The following LRMDA variants were observed in gnomAD, a reference collection of about 807,000 sequenced individuals.
The protein encoded by LRMDA is leucine-rich melanocyte differentiation-associated protein.
LRMDA carries 18 observed loss-of-function variants against 29.8 expected under a neutral mutation model. The ratio of observed to expected loss-of-function variants is 0.60; its 90% CI spans 0.42 to 0.90. LRMDA has a LOEUF of 0.90. Among genes scored for constraint, LRMDA ranks in the 40% least tolerant of loss-of-function variants. LRMDA has a pLI of 0.00. For synonymous variants in LRMDA, 125 were observed against 109.4 expected (o/e 1.14, Z -0.89); for missense variants, 273 against 273.9 (o/e 1.00, Z 0.02).
intron 2 of LRMDA, among the ~76,000 whole-genome samples, chr10:75,852,446 G>A (rs1844747375): frequency 1.3e-5 from 2 of 151,974 alleles, no homozygotes; most frequent in African/African-American, 4.8e-5. Context: ...GGTAGGAAAT[G>A]TTGTAAATTA....
intron 2 of LRMDA, among the ~76,000 whole-genome samples, chr10:75,944,524 A>C (rs1382862231): frequency 6.6e-6 from 1 of 151,230 alleles, no homozygotes; most frequent in African/African-American, 2.4e-5. Flanking sequence ...TTTTTCTCCT[A>C]CTGAGACTCT....
chr10:76,306,332 A>C (rs1201554302), intron 5 of LRMDA, among the ~76,000 whole-genome samples: 1 of 152,238 alleles, frequency 6.6e-6, no homozygotes, highest in Non-Finnish European at 1.5e-5. Flanking sequence ...GCAGCCTAGC[A>C]GAGCATTTGT....
chr10:75,753,116 G>T (rs1269758252), intron 2 of LRMDA, among the ~76,000 whole-genome samples: 1 of 152,100 alleles, frequency 6.6e-6, no homozygotes, highest in Non-Finnish European at 1.5e-5. Context: ...AATGGGTGTT[G>T]TTGCAAGTTA....
intron 2 of LRMDA, among the ~76,000 whole-genome samples, chr10:75,497,144 A>G (rs996027388): frequency 6.6e-6 from 1 of 152,324 alleles, no homozygotes; most frequent in African/African-American, 2.4e-5. Flanking sequence ...TGATAAAATC[A>G]TGCTACATGT....
intron 2 of LRMDA, among the ~76,000 whole-genome samples, chr10:75,556,207 G>A (rs894931205): frequency 1.3e-5 from 2 of 151,998 alleles, no homozygotes; most frequent in South Asian, 2.1e-4. Flanking sequence ...ACACCCAGGC[G>A]CATCTTGGTT....
intron 2 of LRMDA, among the ~76,000 whole-genome samples, chr10:75,812,108 ATTTTTTTTTTTTTT>A (rs67846089): frequency 1.7e-4 from 8 of 46,286 alleles, no homozygotes; most frequent in Non-Finnish European, 2.3e-4. Context: ...TTTAATTGTG[ATTTTTTTTTTTTTT>A]TTTTTTTTTT....
chr10:76,207,549 G>T (rs1353348965), intron 5 of LRMDA, among the ~76,000 whole-genome samples: 1 of 152,176 alleles, frequency 6.6e-6, no homozygotes, highest in Non-Finnish European at 1.5e-5. Flanking sequence ...CCCAGTGTGT[G>T]TGACTTCTGC....
At chr10:76,237,947 C>A (rs767144192) in intron 5 of LRMDA, among the ~76,000 whole-genome samples, 1 of 151,886 alleles carries the variant, frequency 6.6e-6, no homozygotes, top group Non-Finnish European at 1.5e-5. Context: ...CGTGCCACCA[C>A]GCCTGGCTAA....
At chr10:75,626,309 C>T (rs1036012753) in intron 2 of LRMDA, among the ~76,000 whole-genome samples, 8 of 152,296 alleles carry the variant, frequency 5.3e-5, no homozygotes, top group African/African-American at 1.7e-4. Flanking sequence ...TTCCTCTCCA[C>T]AATCCTTTGA....
intron 2 of LRMDA, among the ~76,000 whole-genome samples, chr10:75,579,843 C>T (rs1180809963): frequency 6.6e-6 from 1 of 152,166 alleles, no homozygotes; most frequent in Non-Finnish European, 1.5e-5. Flanking sequence ...TTAATAGATG[C>T]AGAAAAGTCC....
intron 2 of LRMDA, among the ~76,000 whole-genome samples, chr10:75,941,803 C>T (rs576280359): frequency 1.3e-5 from 2 of 152,270 alleles, no homozygotes; most frequent in Admixed American, 1.3e-4. Context: ...CTCCTTCCAT[C>T]TCTTGAGGAA....
At chr10:76,248,364 G>A (rs1852413605) in intron 5 of LRMDA, among the ~76,000 whole-genome samples, 1 of 152,156 alleles carries the variant, frequency 6.6e-6, no homozygotes, top group African/African-American at 2.4e-5. Context: ...GTTTTACAGA[G>A]TTCCTTAACA....
At chr10:76,386,793 G>T (rs1384955655) in intron 6 of LRMDA, among the ~76,000 whole-genome samples, 1 of 151,834 alleles carries the variant, frequency 6.6e-6, no homozygotes. Flanking sequence ...TAAGCTAGGA[G>T]ATAATATTTT....
chr10:75,595,519 T>A (rs185546682), intron 2 of LRMDA, among the ~76,000 whole-genome samples: 2 of 150,434 alleles, frequency 1.3e-5, no homozygotes, highest in East Asian at 3.9e-4. Context: ...TGTATGTTTA[T>A]ATATTAGTAT....
intron 5 of LRMDA, among the ~76,000 whole-genome samples, chr10:76,307,777 G>A (rs373210099): frequency 3.9e-5 from 6 of 152,318 alleles, no homozygotes; most frequent in African/African-American, 7.2e-5. Flanking sequence ...AGGCCACCAC[G>A]TGGAGAAACC....
chr10:75,939,806 T>C (rs1219507981), intron 2 of LRMDA, among the ~76,000 whole-genome samples: 1 of 152,124 alleles, frequency 6.6e-6, no homozygotes, highest in African/African-American at 2.4e-5. Context: ...CCATCCTCTG[T>C]ACAGCATCAA....
intron 2 of LRMDA, among the ~76,000 whole-genome samples, chr10:75,910,629 A>G (rs888206695): frequency 2.0e-5 from 3 of 152,168 alleles, no homozygotes; most frequent in African/African-American, 7.2e-5. Flanking sequence ...CATCTTCTAG[A>G]AAGAGAAATT....
At chr10:76,056,680 GC>G (rs1848620048) in intron 4 of LRMDA, among the ~76,000 whole-genome samples, 1 of 152,232 alleles carries the variant, frequency 6.6e-6, no homozygotes. Context: ...CCTGGGCTTG[GC>G]CGCCACTTTG....
chr10:75,968,350 C>T (rs911727164), intron 2 of LRMDA, among the ~76,000 whole-genome samples: 3 of 152,160 alleles, frequency 2.0e-5, no homozygotes, highest in African/African-American at 7.2e-5. Flanking sequence ...CAAGCAGCTA[C>T]AGTTCCTTGG....
Sources: gnomAD v4.1 joint callset for allele counts (sites outside exome capture counted in the v4.1 genomes callset) on GRCh38, gnomAD v4.1.1 for gene constraint, MANE v1.5 for transcripts, NCBI Gene and HGNC (gene_info 2026-07-23, HGNC 2026-07-21) for gene names.